The following ATP13A1 variants were observed in gnomAD, a reference collection of about 807,000 sequenced individuals.
ATP13A1 encodes endoplasmic reticulum transmembrane helix translocase.
A neutral mutation model predicts 134.8 loss-of-function variants in ATP13A1; 55 were observed. That is an observed-to-expected ratio of 0.41 (90% CI 0.33 to 0.51). ATP13A1 has a LOEUF of 0.51. Among genes scored for constraint, ATP13A1 ranks in the 20% least tolerant of loss-of-function variants. The pLI is 0.29. For synonymous variants in ATP13A1, 775 were observed against 725.1 expected, an observed-to-expected ratio of 1.07 and a Z score of -1.10; for missense variants, 1,389 against 1,652.8, an observed-to-expected ratio of 0.84 and a Z score of 2.77.
intron 19 of ATP13A1, 31 bp downstream of exon 19, chr19:19,649,536 C>T (rs375076917): frequency 1.1e-5 from 18 of 1,604,874 alleles, no homozygotes; most frequent in Non-Finnish European, 1.4e-5. Flanking sequence ...ACCTCGTCCA[C>T]AAACGAAATA....
At position 19,646,197 on chromosome 19, in the gene ATP13A1, G is replaced by A. The variant is rs1434823971; in HGVS notation, c.3248+8C>T. On this transcript the variant is annotated splice_region_variant and intron_variant, in intron 23 of 25. Transcript: ENST00000357324. ...CAGGGACATCACCTCCTCCAAGGCA[G>A]CACTTACTTCTCGGGGCTCCGGGCC... 6.2e-7 allele frequency: 1 copy of A among 1,613,478 alleles called. No homozygotes were observed. The highest frequency in any genetic ancestry group is 8.5e-7 in the Non-Finnish European group (1 of 1,179,624).
intron 1 of ATP13A1, chr19:19,661,945 A>G: frequency 3.9e-6 from 5 of 1,291,130 alleles, no homozygotes; most frequent in African/African-American, 1.5e-5. Flanking sequence ...CACTCTGCAG[A>G]TATCATCTCC....
At chr19:19,661,403 A>G (rs566235825) in intron 1 of ATP13A1, among the ~76,000 whole-genome samples, 1 of 152,266 alleles carries the variant, frequency 6.6e-6, no homozygotes, top group Non-Finnish European at 1.5e-5. Context: ...GGGCCTTGGC[A>G]TGTGCTGTTT....
rs747282405 is a variant in ATP13A1 at position 19,653,877 on chromosome 19, G to A, written c.2007C>T (p.Pro669=). The change falls in exon 15 of 26, where the codon CCC becomes CCT. Residue 669 remains proline, a synonymous_variant. Transcript: ENST00000357324. This position sits in a 1 kb window ranked among gnomAD's most constrained non-coding sequence, Gnocchi z 4.2. ...TLHSMFSQCP[P]DYHHIHTEIS... is the part of the protein sequence containing the mutation. ...TCTCGGTGTGGATGTGGTGGTAGTCGGGCGGGCACTGGGAGAACTGCAGGG... is the reference window on the plus strand; with the variant it reads ...TCTCGGTGTGGATGTGGTGGTAGTCAGGCGGGCACTGGGAGAACTGCAGGG... 1.7e-5 allele frequency: 26 copies of A among 1,565,528 alleles called. No homozygotes were observed. The highest frequency in any genetic ancestry group is 1.7e-4 in the Middle Eastern group (1 of 5,998).
intron 19 of ATP13A1, among the ~76,000 whole-genome samples, 165 bp downstream of exon 19, chr19:19,649,402 C>T (rs1427159526): frequency 1.3e-5 from 2 of 152,222 alleles, no homozygotes; most frequent in Non-Finnish European, 2.9e-5. Flanking sequence ...GGGATATTCG[C>T]ATCCCTTCCT....
intron 12 of ATP13A1, 150 bp downstream of exon 12, chr19:19,654,969 G>T: frequency 7.6e-7 from 1 of 1,313,238 alleles, no homozygotes; most frequent in Non-Finnish European, 1.0e-6. Context: ...CTGACACCCA[G>T]GACTTTGTGG....
chr19:19,655,836 C>T lies in ATP13A1; in HGVS notation c.1269+42G>A, dbSNP rs748135474. On this transcript the variant is annotated intron_variant, in intron 9 of 25. Coordinates refer to ENST00000357324, the MANE Select transcript of ATP13A1 (RefSeq NM_020410.3). This position sits in a 1 kb window ranked among gnomAD's most constrained non-coding sequence, Gnocchi z 5.7. ...GGAAAGGGCTGATACCTTGGCTGTCCAACTGCCCTGGGGCCCGCCCTCCCC... is the reference window on the plus strand; with the variant it reads ...GGAAAGGGCTGATACCTTGGCTGTCTAACTGCCCTGGGGCCCGCCCTCCCC... 1.9e-6 allele frequency: 3 copies of T among 1,552,946 alleles called. No homozygotes were observed. Among genetic ancestry groups the T allele is most frequent in the Non-Finnish European group, 2.6e-6 (3 of 1,154,376 alleles).
At position 19,649,777 on chromosome 19, in the gene ATP13A1, A is replaced by T; in HGVS notation, c.2499T>A (p.His833Gln). The change falls in exon 18 of 26, where the codon CAT becomes CAA. Residue 833 changes from histidine (H) to glutamine (Q), a missense_variant. By Grantham distance (24) the His-to-Gln change is conservative (BLOSUM62 0). Coordinates refer to ENST00000357324, the MANE Select transcript of ATP13A1 (RefSeq NM_020410.3). ...GAGCCACACGGGCGAACACCTGCACATGGGGGATGAGGCGGAGCAGCTGCT... is the reference window on the plus strand; with the variant it reads ...GAGCCACACGGGCGAACACCTGCACTTGGGGGATGAGGCGGAGCAGCTGCT... ...DPQQLLRLIP[H>Q]VQVFARVAPK... 1.2e-6 allele frequency: 2 copies of T among 1,601,748 alleles called. No individual in the cohort carries two copies. The highest frequency in any genetic ancestry group is 1.7e-6 in the Non-Finnish European group (2 of 1,175,086).
At position 19,645,573 on chromosome 19, in the gene ATP13A1, C is replaced by A; in HGVS notation, c.3505-41G>T. On this transcript the variant is annotated intron_variant, in intron 25 of 25. Transcript: ENST00000357324. The surrounding 1 kb of genome is among the most constrained non-coding windows in gnomAD (Gnocchi z 4.1). ...GGGATGGTGAGCTGGAGACCTGCAG[C>A]CCAGCTCAGGGTCACTGCCATAGGA... The A allele has an allele frequency of 6.4e-7, 1 of 1,566,306 alleles. No individual in the cohort carries two copies. The highest frequency in any genetic ancestry group is 8.7e-7 in the Non-Finnish European group (1 of 1,155,688).
Position 19,647,026 on chromosome 19 carries a change from G to A in ATP13A1, c.3105+103C>T. Reference sequence around the variant, plus strand: ...TCCCAGCTACAGCCCCCATCTCTGGGGCCCTGGGTCCTGTAACTTGGGGAT... The same window carrying A: ...TCCCAGCTACAGCCCCCATCTCTGGAGCCCTGGGTCCTGTAACTTGGGGAT... On this transcript the variant is annotated intron_variant, in intron 22 of 25. Coordinates refer to ENST00000357324, the MANE Select transcript of ATP13A1 (RefSeq NM_020410.3). The surrounding 1 kb of genome is among the most constrained non-coding windows in gnomAD (Gnocchi z 4.8). 7.8e-7 allele frequency: 1 copy of A among 1,284,822 alleles called. No homozygotes were observed. Among genetic ancestry groups the A allele is most frequent in the South Asian group, 1.5e-5 (1 of 68,132 alleles). The allele number at this position is 1,284,822 out of a possible 1,614,324, so 79.6% of individuals were successfully genotyped here.
Position 19,648,212 on chromosome 19 carries a change from G to A in ATP13A1, c.2633-453C>T, listed in dbSNP as rs1262744659. ...CATGTGCCTGTAATTCCAGCTACTC[G>A]GGAGGCTGAGGCAGGAGAATCGCTT... On this transcript the variant is annotated intron_variant, in intron 19 of 25. Coordinates refer to ENST00000357324, the MANE Select transcript of ATP13A1 (RefSeq NM_020410.3). 5.3e-5 allele frequency among the ~76,000 whole-genome samples: 8 copies of A among 152,022 alleles called. No homozygotes were observed. The South Asian group carries it at 1.0e-3, about 20-fold the overall frequency.
intron 3 of ATP13A1, 52 bp downstream of exon 3, chr19:19,659,549 G>C: frequency 6.7e-7 from 1 of 1,499,984 alleles, no homozygotes. Context: ...CCTGAATCAG[G>C]AGGGGAGCAG....
chr19:19,645,700 C>T lies in ATP13A1; in HGVS notation c.3451G>A (p.Gly1151Ser), dbSNP rs1239647244. 7 of 1,583,944 alleles carry T rather than the reference C, an allele frequency of 4.4e-6. No individual in the cohort carries two copies. Among genetic ancestry groups the T allele is most frequent in the South Asian group, 2.3e-5 (2 of 87,378 alleles). ...TGGCTGTTGAAGTCGGGCGAGGAGCCGAGGAGCAGGCCAATGATGGCCAGG... is the reference window on the plus strand; with the variant it reads ...TGGCTGTTGAAGTCGGGCGAGGAGCTGAGGAGCAGGCCAATGATGGCCAGG... ...SLLAIIGLLLGSSPDFNSQFG... is the reference protein window; with the variant it reads ...SLLAIIGLLLSSSPDFNSQFG... The change falls in exon 25 of 26, where the codon GGC becomes AGC. Residue 1151 changes from glycine to serine, a missense_variant. This residue lies in a region of ATP13A1 where 228 missense variants were observed against 321.0 expected (regional missense o/e 0.71). Coordinates refer to ENST00000357324, the MANE Select transcript of ATP13A1 (RefSeq NM_020410.3). The surrounding 1 kb of genome is among the most constrained non-coding windows in gnomAD (Gnocchi z 4.1).
At chr19:19,646,857 T>G in intron 22 of ATP13A1, 1 of 506,208 alleles carries the variant, frequency 2.0e-6, no homozygotes, top group South Asian at 2.6e-5. Flanking sequence ...TTTACCCTCT[T>G]GATGATTGTT....
At chr19:19,662,238 T>G in intron 1 of ATP13A1, 1 of 1,504,350 alleles carries the variant, frequency 6.6e-7, no homozygotes, top group East Asian at 2.5e-5. Flanking sequence ...TGTCTTTCAT[T>G]GTACTACCTC....
In ATP13A1 at chr19:19,651,491, C is replaced by A. The variant is rs118047008; in HGVS notation, c.2335+198G>T. ...ATGGTAAATAAACACCTACATGCCG[C>A]ACATCCTGGGACCTGCGACCCAGTG... On this transcript the variant is annotated intron_variant, in intron 17 of 25. Coordinates refer to ENST00000357324, the MANE Select transcript of ATP13A1 (RefSeq NM_020410.3). The A allele has an allele frequency of 9.6e-4, 463 of 480,284 alleles. 3 individuals carry two copies. In the East Asian group the frequency reaches 0.014, roughly 14 times the overall value. The allele number at this position is 480,284 out of a possible 1,614,324, so 29.8% of individuals were successfully genotyped here.
rs954602140 is a variant in ATP13A1 at position 19,655,799 on chromosome 19, T to C, written c.1269+79A>G. 1.3e-6 allele frequency: 2 copies of C among 1,536,510 alleles called. No individual in the cohort carries two copies. Among genetic ancestry groups the C allele is most frequent in the Non-Finnish European group, 1.7e-6 (2 of 1,143,290 alleles). On this transcript the variant is annotated intron_variant, in intron 9 of 25. Transcript: ENST00000357324. This position sits in a 1 kb window ranked among gnomAD's most constrained non-coding sequence, Gnocchi z 5.7. ...TGCCAGAGTCAGCCCGTGGGGCAGA[T>C]GTTCTGGGGTCGGAAAGGGCTGATA...
In ATP13A1 at chr19:19,652,736, G is replaced by A. The variant is rs1347896003; in HGVS notation, c.2101-16C>T. Reference sequence around the variant, plus strand: ...CCTCCCGGGCCTGCGGACAGACAGGGGCACCCTCACCATCTGTCCCTCCCT... The same window carrying A: ...CCTCCCGGGCCTGCGGACAGACAGGAGCACCCTCACCATCTGTCCCTCCCT... On this transcript the variant is annotated splice_polypyrimidine_tract_variant and intron_variant, in intron 15 of 25. Coordinates refer to ENST00000357324, the MANE Select transcript of ATP13A1 (RefSeq NM_020410.3). 3 of 1,596,224 alleles carry A rather than the reference G, an allele frequency of 1.9e-6. No individual in the cohort carries two copies. Among genetic ancestry groups the A allele is most frequent in the African/African-American group, 1.3e-5 (1 of 74,594 alleles).
chr19:19,648,840 G>A (rs867691943), intron 19 of ATP13A1, among the ~76,000 whole-genome samples: 94 of 145,606 alleles, frequency 6.5e-4, no homozygotes, highest in Middle Eastern at 3.8e-3. Context: ...GGCAGGGTTC[G>A]GTGGGATGCA....
Sources: allele counts gnomAD v4.1 joint callset (sites outside exome capture counted in the v4.1 genomes callset), GRCh38; gene constraint gnomAD v4.1.1; regional missense constraint gnomAD v4.1.1; non-coding constraint Gnocchi (gnomAD v3.1); transcripts MANE v1.5; gene names NCBI Gene and HGNC (gene_info 2026-07-23, HGNC 2026-07-21).